Variants in CFAP45 observed in about 807,000 individuals in gnomAD.
CFAP45 encodes cilia and flagella associated protein 45, also known as cilia- and flagella-associated protein 45.
CFAP45 carries 43 observed loss-of-function variants against 75.6 expected under a neutral mutation model. That is an observed-to-expected ratio of 0.57 (90% CI 0.45 to 0.73). The LOEUF is 0.73. Among genes scored for constraint, CFAP45 ranks in the 30% least tolerant of loss-of-function variants. CFAP45 has a pLI of 0.00. For synonymous variants in CFAP45, 223 were observed against 244.6 expected (o/e 0.91, Z 0.82); for missense variants, 689 against 701.5 (o/e 0.98, Z 0.20).
chr1:159,879,749 C>T (rs528698075), intron 8 of CFAP45, among the ~76,000 whole-genome samples: 1 of 152,192 alleles, frequency 6.6e-6, no homozygotes, highest in Non-Finnish European at 1.5e-5. Flanking sequence ...ACACCCTCCC[C>T]CTGGCCTTCT....
chr1:159,888,792 C>A (rs1273915545), intron 3 of CFAP45, among the ~76,000 whole-genome samples: 3 of 141,938 alleles, frequency 2.1e-5, no homozygotes, highest in East Asian at 2.4e-4. Flanking sequence ...CCCACTCTGC[C>A]CCCCCACCAA....
At chr1:159,888,162 C>T in intron 4 of CFAP45, 151 bp from the exon 5 acceptor site, 1 of 1,065,120 alleles carries the variant, frequency 9.4e-7, no homozygotes, top group East Asian at 2.5e-5. Flanking sequence ...GCTTCATTCT[C>T]AGCCCTCCCC....
At position 159,900,162 on chromosome 1, in the gene CFAP45, T is replaced by C. The variant is rs1650043135; in HGVS notation, c.-64A>G. 1.2e-6 allele frequency: 2 copies of C among 1,610,626 alleles called. No individual in the cohort carries two copies. The highest frequency in any genetic ancestry group is 2.2e-5 in the East Asian group (1 of 44,800). On this transcript the variant is annotated 5_prime_UTR_variant, in exon 1 of 12. Coordinates refer to ENST00000368099, the MANE Select transcript of CFAP45 (RefSeq NM_012337.3). The stretch of plus-strand genomic sequence containing the variant: ...CGCCTCGGCGCCGCCAAGGCCCTAG[T>C]GTTGACGCGTTACCTTGGCAACCAC...
Position 159,884,428 on chromosome 1 carries a change from C to A in CFAP45, c.897+8G>T, listed in dbSNP as rs1470117304. The A allele has an allele frequency of 3.1e-6, 5 of 1,602,246 alleles. No individual in the cohort carries two copies. The highest frequency in any genetic ancestry group is 1.3e-5 in the African/African-American group (1 of 74,636). ...GTGAAACGTGGCATTGTCTGTCTGG[C>A]CTGTTACCTTTAGATCTTCCTCTTG... On this transcript the variant is annotated splice_region_variant and intron_variant, in intron 7 of 11. Coordinates refer to ENST00000368099, the MANE Select transcript of CFAP45 (RefSeq NM_012337.3).
intron 7 of CFAP45, among the ~76,000 whole-genome samples, chr1:159,882,607 G>A (rs1344381891): frequency 6.6e-6 from 1 of 152,160 alleles, no homozygotes; most frequent in Non-Finnish European, 1.5e-5. Context: ...AGCTGGGAAG[G>A]CACAGGTTTC....
chr1:159,880,736 G>C lies in CFAP45; in HGVS notation c.898-36C>G, dbSNP rs1167289831. 3 of 1,609,128 alleles carry C rather than the reference G, an allele frequency of 1.9e-6. No individual in the cohort carries two copies. The South Asian group carries it at 3.3e-5, about 18-fold the overall frequency. On this transcript the variant is annotated intron_variant, in intron 7 of 11. Coordinates refer to ENST00000368099, the MANE Select transcript of CFAP45 (RefSeq NM_012337.3). ...AAGAAAGAGAGCCTCAGAGTACAAA[G>C]AGGTAAGACAAGAAGCCACTGGCAT...
rs1649302529 is a variant in CFAP45 at position 159,872,480 on chromosome 1, T to TCC, written c.*3_*4dup. On this transcript the variant is annotated 3_prime_UTR_variant, in exon 12 of 12. Transcript: ENST00000368099. ...AAGGCATCCTGAGGGCCACGAAGGC[T>TCC]CCCCTCAGTTCACAGAGGTAGCTGG... 6.2e-7 allele frequency: 1 copy of TCC among 1,611,688 alleles called. No individual in the cohort carries two copies. The highest frequency in any genetic ancestry group is 8.5e-7 in the Non-Finnish European group (1 of 1,177,914).
Position 159,888,334 on chromosome 1 carries a change from C to T in CFAP45, c.417+18G>A. 1 of 1,613,354 alleles carries T rather than the reference C, an allele frequency of 6.2e-7. No individual in the cohort carries two copies. Among genetic ancestry groups the T allele is most frequent in the Non-Finnish European group, 8.5e-7 (1 of 1,179,610 alleles). The stretch of plus-strand genomic sequence containing the variant: ...TGCCACCCATCTGCAGAGGTGAAGG[C>T]TTAGGGAGGTTAACTACCATGGTGG... On this transcript the variant is annotated intron_variant, in intron 4 of 11. Transcript: ENST00000368099.
rs1281338971 is a variant in CFAP45 at position 159,897,803 on chromosome 1, CA to C, written c.3+2292del. 2.7e-5 allele frequency among the ~76,000 whole-genome samples: 4 copies of C among 150,158 alleles called. No individual in the cohort carries two copies. The South Asian group carries it at 6.3e-4, about 24-fold the overall frequency. On this transcript the variant is annotated intron_variant, in intron 1 of 11. Transcript: ENST00000368099. ...CAATAAAACAATTTTTATTTGAAAA[CA>C]AAGCATAGCAATGGGCCTGGTGCCC...
At position 159,872,978 on chromosome 1, in the gene CFAP45, C is replaced by G; in HGVS notation, c.1543G>C (p.Asp515His). The G allele has an allele frequency of 6.2e-7, 1 of 1,614,222 alleles. No individual in the cohort carries two copies. The part of the protein sequence containing the change: ...EEAQKRRERI[D>H]EIKRKKLEEL... Reference sequence around the variant, plus strand: ...TCAAGCTTTTTCCTCTTGATCTCATCGATGCGCTCACGGCGTTTCTGGGCC... The same window carrying G: ...TCAAGCTTTTTCCTCTTGATCTCATGGATGCGCTCACGGCGTTTCTGGGCC... The change falls in exon 11 of 12, where the codon GAT (aspartate) becomes CAT (histidine). Residue 515 changes from aspartate to histidine, a missense_variant. Physicochemically the swap from Asp to His is moderately conservative, Grantham distance 81 (BLOSUM62 -1). Coordinates refer to ENST00000368099, the MANE Select transcript of CFAP45 (RefSeq NM_012337.3).
intron 1 of CFAP45, among the ~76,000 whole-genome samples, chr1:159,895,189 T>C (rs1324466833): frequency 6.6e-6 from 1 of 152,162 alleles, no homozygotes; most frequent in African/African-American, 2.4e-5. Context: ...CTCTAAAAGG[T>C]AGTGTCTACA....
chr1:159,886,613 T>C lies in CFAP45; in HGVS notation c.665A>G (p.Asp222Gly), dbSNP rs35975416. 2.3e-3 allele frequency: 3,690 copies of C among 1,614,124 alleles called. 79 individuals carry two copies. The African/African-American group carries it at 0.041, about 18-fold the overall frequency. Residue 222 changes from aspartate (D) to glycine (G), a missense_variant, in exon 6 of 12, where the codon GAC becomes GGC. By Grantham distance (94) the Asp-to-Gly change is moderately conservative. Transcript: ENST00000368099. The stretch of plus-strand genomic sequence containing the variant: ...CTGATCCAACCGCTTCTCTTCTGTG[T>C]CCAGTTCTTTTTGGATCTGCTGCTT... ...LEKQQIQKEL[D>G]TEEKRLDQMM...
At chr1:159,898,198 G>C in intron 1 of CFAP45, 1 of 985,182 alleles carries the variant, frequency 1.0e-6, no homozygotes, top group East Asian at 1.1e-4. Flanking sequence ...CCATGCACGA[G>C]ACCCCTTGCC....
At chr1:159,895,484 T>C (rs944254003) in intron 1 of CFAP45, among the ~76,000 whole-genome samples, 7 of 152,350 alleles carry the variant, frequency 4.6e-5, no homozygotes, top group African/African-American at 9.6e-5. Flanking sequence ...GTATCAGGTT[T>C]TCACACTCGA....
intron 8 of CFAP45, among the ~76,000 whole-genome samples, chr1:159,878,288 G>C (rs1649454988): frequency 6.6e-6 from 1 of 152,228 alleles, no homozygotes; most frequent in Non-Finnish European, 1.5e-5. Flanking sequence ...GCTTTGGGCA[G>C]TCCCACAGTG....
At chr1:159,896,579 C>T (rs764203156) in intron 1 of CFAP45, among the ~76,000 whole-genome samples, 12 of 152,294 alleles carry the variant, frequency 7.9e-5, no homozygotes, top group East Asian at 7.7e-4. Flanking sequence ...AAGGAGGTGA[C>T]GGGCTGGTTT....
At chr1:159,887,758 T>G in intron 5 of CFAP45, 83 bp downstream of exon 5, 6 of 826,200 alleles carry the variant, frequency 7.3e-6, no homozygotes, top group African/African-American at 1.7e-5. Context: ...CACCAGTCCC[T>G]GGCCTTGTCC....
chr1:159,873,487 A>G (rs926834651), intron 10 of CFAP45: 1 of 369,820 alleles, frequency 2.7e-6, no homozygotes. Context: ...TGAACAAGGG[A>G]GTCCACACTC....
intron 8 of CFAP45, among the ~76,000 whole-genome samples, chr1:159,877,800 C>A (rs1350007614): frequency 6.6e-6 from 1 of 152,000 alleles, no homozygotes; most frequent in Non-Finnish European, 1.5e-5. Context: ...CTGCTTGAAC[C>A]TGGGAAGTCG....
Sources: gnomAD v4.1 joint callset for allele counts (sites outside exome capture counted in the v4.1 genomes callset) on GRCh38, gnomAD v4.1.1 for gene constraint, MANE v1.5 for transcripts, NCBI Gene and HGNC (gene_info 2026-07-23, HGNC 2026-07-21) for gene names.